The following CRTC3 variants were observed in gnomAD, a reference collection of about 807,000 sequenced individuals.
The protein encoded by CRTC3 is CREB regulated transcription coactivator 3, also known as CREB-regulated transcription coactivator 3.
In CRTC3, 26 loss-of-function variants were observed where a neutral mutation model predicts 74.5. The ratio of observed to expected loss-of-function variants is 0.35; its 90% CI spans 0.26 to 0.48. The LOEUF (loss-of-function observed/expected upper bound fraction) is 0.48, where lower values mean the gene tolerates loss of function less well. Among genes scored for constraint, CRTC3 ranks in the 20% least tolerant of loss-of-function variants. The pLI is 0.99. For synonymous variants in CRTC3, 377 were observed against 325.8 expected, an observed-to-expected ratio of 1.16 and a Z score of -1.69; for missense variants, 760 against 787.3, an observed-to-expected ratio of 0.97 and a Z score of 0.41.
At chr15:90,545,780 G>T (rs371945960) in intron 2 of CRTC3, among the ~76,000 whole-genome samples, 10 of 152,046 alleles carry the variant, frequency 6.6e-5, no homozygotes, top group Non-Finnish European at 8.8e-5. Context: ...GGGTTTCACT[G>T]TGTTAGCCAG....
chr15:90,559,862 C>T (rs1259496448), intron 2 of CRTC3, among the ~76,000 whole-genome samples: 1 of 152,218 alleles, frequency 6.6e-6, no homozygotes, highest in African/African-American at 2.4e-5. Flanking sequence ...ACGTTGGTCT[C>T]GAACTCCTGG....
intron 2 of CRTC3, among the ~76,000 whole-genome samples, chr15:90,576,506 G>C (rs1967407229): frequency 6.6e-6 from 1 of 152,036 alleles, no homozygotes; most frequent in Non-Finnish European, 1.5e-5. Flanking sequence ...GTGTGGTCCA[G>C]TGGGCTGTTG....
At chr15:90,619,670 C>G (rs1343233406) in intron 8 of CRTC3, 71 bp from the exon 9 acceptor site, 1 of 1,326,376 alleles carries the variant, frequency 7.5e-7, no homozygotes, top group Non-Finnish European at 1.1e-6. Flanking sequence ...AAGGTCCTTA[C>G]GAAGACACTT....
intron 2 of CRTC3, among the ~76,000 whole-genome samples, chr15:90,576,283 A>G (rs890515223): frequency 2.6e-5 from 4 of 152,108 alleles, no homozygotes; most frequent in African/African-American, 7.2e-5. Flanking sequence ...AAATAAATAG[A>G]TGGTCAAAAT....
intron 2 of CRTC3, among the ~76,000 whole-genome samples, chr15:90,578,033 C>T (rs181731819): frequency 3.9e-5 from 6 of 152,264 alleles, no homozygotes; most frequent in East Asian, 3.9e-4. Flanking sequence ...CTCAGCCTCC[C>T]GAGTAGCTAG....
chr15:90,605,285 A>T (rs1290461448), intron 5 of CRTC3, among the ~76,000 whole-genome samples: 1 of 152,070 alleles, frequency 6.6e-6, no homozygotes, highest in East Asian at 1.9e-4. Context: ...ATGGTGCAAA[A>T]TTTTAAATAT....
chr15:90,626,033 C>T (rs937206649), intron 10 of CRTC3, 40 bp downstream of exon 10: 1 of 1,512,490 alleles, frequency 6.6e-7, no homozygotes, highest in Non-Finnish European at 9.2e-7. Flanking sequence ...GTGGCTTAAT[C>T]ATAGGTGGTC....
At chr15:90,586,397 C>G (rs1259032851) in intron 2 of CRTC3, among the ~76,000 whole-genome samples, 2 of 120,502 alleles carry the variant, frequency 1.7e-5, no homozygotes, top group African/African-American at 6.5e-5. Flanking sequence ...GATGGAGTCT[C>G]GCTTTGTCGT....
chr15:90,603,292 A>C (rs1968129016), intron 4 of CRTC3, among the ~76,000 whole-genome samples: 1 of 148,630 alleles, frequency 6.7e-6, no homozygotes, highest in East Asian at 2.1e-4. Flanking sequence ...AAATACAAAA[A>C]AGTAGCCGGG....
chr15:90,624,916 G>C (rs1003112296), intron 9 of CRTC3: 2 of 152,664 alleles, frequency 1.3e-5, no homozygotes, highest in Non-Finnish European at 2.9e-5. Context: ...GGATAGCTAT[G>C]TGCGTACTGC....
At chr15:90,594,552 G>T (rs1967875443) in intron 3 of CRTC3, 1 of 152,222 alleles carries the variant, frequency 6.6e-6, no homozygotes, top group Non-Finnish European at 1.5e-5. Context: ...GGTGGGTCTC[G>T]CTGCGGAGAG....
intron 2 of CRTC3, among the ~76,000 whole-genome samples, chr15:90,580,908 TAAA>T (rs539290584): frequency 6.7e-6 from 1 of 149,610 alleles, no homozygotes; most frequent in African/African-American, 2.5e-5. Context: ...CATGATGAAT[TAAA>T]AAAAAAAATT....
intron 2 of CRTC3, among the ~76,000 whole-genome samples, chr15:90,577,318 G>A (rs1440817086): frequency 3.3e-5 from 5 of 152,224 alleles, no homozygotes; most frequent in Non-Finnish European, 7.3e-5. Context: ...AAGTAATACT[G>A]AGAAGGATAT....
At chr15:90,543,591 A>C (rs1966838408) in intron 2 of CRTC3, among the ~76,000 whole-genome samples, 1 of 152,136 alleles carries the variant, frequency 6.6e-6, no homozygotes, top group East Asian at 1.9e-4. Context: ...CTTGAAGCGC[A>C]AGCTAATCTA....
Position 90,629,522 on chromosome 15 carries a change from C to G in CRTC3, c.1256C>G (p.Pro419Arg), listed in dbSNP as rs759035621. Reference protein sequence around the residue: ...LSSTSPLAPYPTSQMVSSDRS... With the variant: ...LSSTSPLAPYRTSQMVSSDRS... ...TCAACCAGCCCACTGGCCCCATATCCTACCTCCCAGGTAAACACACACAGA... is the reference window on the plus strand; with the variant it reads ...TCAACCAGCCCACTGGCCCCATATCGTACCTCCCAGGTAAACACACACAGA... The change falls in exon 11 of 15, where the codon CCT becomes CGT. Residue 419 changes from proline (P) to arginine (R), a missense_variant. Pro to Arg is a moderately radical substitution (Grantham distance 103). This residue lies in a region of CRTC3 where 652 missense variants were observed against 635.2 expected (regional missense o/e 1.03). Coordinates refer to ENST00000268184, the MANE Select transcript of CRTC3 (RefSeq NM_022769.5). 22 of 1,614,002 alleles carry G rather than the reference C, an allele frequency of 1.4e-5. No homozygotes were observed. The highest frequency in any genetic ancestry group is 1.8e-5 in the Non-Finnish European group (21 of 1,179,902).
intron 11 of CRTC3, 25 bp from the exon 12 acceptor site, chr15:90,638,421 G>A: frequency 6.2e-7 from 1 of 1,605,430 alleles, no homozygotes; most frequent in South Asian, 1.1e-5. Flanking sequence ...AAGCTCATTA[G>A]TGGCTTTGTG....
At chr15:90,533,396 G>A (rs1966664588) in intron 1 of CRTC3, among the ~76,000 whole-genome samples, 1 of 148,768 alleles carries the variant, frequency 6.7e-6, no homozygotes, top group South Asian at 2.1e-4. Context: ...ACTCCAGCCT[G>A]GGCGACAGAG....
chr15:90,636,844 C>T (rs1478877977), intron 11 of CRTC3, among the ~76,000 whole-genome samples: 1 of 152,186 alleles, frequency 6.6e-6, no homozygotes, highest in African/African-American at 2.4e-5. Flanking sequence ...CAAATCAAAA[C>T]CACAATGAGG....
chr15:90,553,021 G>A (rs899951517), intron 2 of CRTC3, among the ~76,000 whole-genome samples: 2 of 152,176 alleles, frequency 1.3e-5, no homozygotes, highest in Admixed American at 6.5e-5. Context: ...ACTGTTAGAT[G>A]TAATGAGGCA....
Sources: allele counts gnomAD v4.1 joint callset (sites outside exome capture counted in the v4.1 genomes callset), GRCh38; gene constraint gnomAD v4.1.1; regional missense constraint gnomAD v4.1.1; transcripts MANE v1.5; gene names NCBI Gene and HGNC (gene_info 2026-07-23, HGNC 2026-07-21).